Variants in DIAPH3 observed in about 807,000 individuals in gnomAD.
DIAPH3 encodes diaphanous related formin 3.
Under a neutral mutation model 144.3 loss-of-function variants are expected in DIAPH3, and 117 were observed. That is an observed-to-expected ratio of 0.81 (90% confidence interval 0.70 to 0.95). DIAPH3 has a LOEUF of 0.95. Ranked by LOEUF, DIAPH3 falls within the 40% of genes least tolerant of loss-of-function variation. DIAPH3 has a pLI of 0.00. For synonymous variants in DIAPH3, 519 were observed against 488.9 expected (o/e 1.06, Z -0.81); for missense variants, 1,421 against 1,412.7 (o/e 1.01, Z -0.09).
chr13:59,790,039 T>A (rs1159558995), intron 25 of DIAPH3, among the ~76,000 whole-genome samples: 2 of 152,206 alleles, frequency 1.3e-5, no homozygotes, highest in Non-Finnish European at 2.9e-5. Context: ...ATTGTTTAAT[T>A]CAATTCTACA....
intron 4 of DIAPH3, among the ~76,000 whole-genome samples, chr13:60,058,565 T>A (rs2056644521): frequency 6.6e-6 from 1 of 151,952 alleles, no homozygotes; most frequent in Non-Finnish European, 1.5e-5. Flanking sequence ...CCTGGACACG[T>A]ATGTTTATCA....
chr13:59,797,294 C>T (rs341553), intron 25 of DIAPH3, among the ~76,000 whole-genome samples: 95,324 of 152,036 alleles, frequency 0.63, 30,195 homozygotes, highest in East Asian at 0.7. Context: ...CCGGGACACT[C>T]GCTTGTTTTA....
chr13:59,958,867 CTT>C (rs932649097), intron 17 of DIAPH3, among the ~76,000 whole-genome samples: 3 of 94,348 alleles, frequency 3.2e-5, no homozygotes, highest in African/African-American at 8.3e-5. Context: ...CTTCAATAAA[CTT>C]TTTTTTTTTT....
intron 25 of DIAPH3, among the ~76,000 whole-genome samples, chr13:59,793,592 C>G (rs980290003): frequency 1.2e-4 from 19 of 152,180 alleles, no homozygotes; most frequent in Admixed American, 1.0e-3. Context: ...TCTTGGTCTT[C>G]CTACTACTTT....
At chr13:60,018,079 T>G (rs918858614) in intron 5 of DIAPH3, among the ~76,000 whole-genome samples, 5 of 152,202 alleles carry the variant, frequency 3.3e-5, no homozygotes, top group African/African-American at 1.2e-4. Flanking sequence ...GACATTGAGA[T>G]GCATGGAGAG....
intron 22 of DIAPH3, among the ~76,000 whole-genome samples, chr13:59,846,858 T>C (rs181978826): frequency 1.1e-3 from 165 of 152,294 alleles, no homozygotes; most frequent in Non-Finnish European, 2.0e-3. Context: ...AGAGGATCAC[T>C]TGAGGCCAGG....
intron 26 of DIAPH3, 92 bp from the exon 27 acceptor site, chr13:59,774,340 T>C: frequency 9.2e-7 from 1 of 1,088,162 alleles, no homozygotes; most frequent in Non-Finnish European, 1.3e-6. Flanking sequence ...TCCAAGGTTA[T>C]GTATTTCTGG....
chr13:60,139,094 C>G (rs1432679756), intron 1 of DIAPH3, among the ~76,000 whole-genome samples: 1 of 152,158 alleles, frequency 6.6e-6, no homozygotes, highest in Non-Finnish European at 1.5e-5. Context: ...AGCCATGACT[C>G]TCGACACACC....
At chr13:59,983,208 A>T (rs1435572859) in intron 13 of DIAPH3, among the ~76,000 whole-genome samples, 3 of 143,410 alleles carry the variant, frequency 2.1e-5, no homozygotes, top group African/African-American at 7.6e-5. Flanking sequence ...CCAAGTTTAA[A>T]AAAAAAAAAA....
At chr13:59,839,153 T>TGG in intron 23 of DIAPH3, 171 bp downstream of exon 23, 1 of 647,974 alleles carries the variant, frequency 1.5e-6, no homozygotes, top group Non-Finnish European at 2.6e-6. Flanking sequence ...TGTGTATTAT[T>TGG]CATGATTGAC....
chr13:59,709,552 C>T (rs2034616809), intron 27 of DIAPH3, among the ~76,000 whole-genome samples: 1 of 152,216 alleles, frequency 6.6e-6, no homozygotes, highest in Non-Finnish European at 1.5e-5. Flanking sequence ...GAGATACCAT[C>T]TCACACCAGT....
At chr13:60,026,838 CT>C (rs2054411315) in intron 5 of DIAPH3, among the ~76,000 whole-genome samples, 1 of 151,956 alleles carries the variant, frequency 6.6e-6, no homozygotes, top group South Asian at 2.1e-4. Context: ...ATGATCTTAT[CT>C]TTTTTGTAAT....
chr13:59,685,372 T>G (rs1261115164), intron 27 of DIAPH3, among the ~76,000 whole-genome samples: 1 of 152,166 alleles, frequency 6.6e-6, no homozygotes, highest in Non-Finnish European at 1.5e-5. Context: ...TGACATCTCT[T>G]GTTTAATTTC....
At chr13:60,035,380 A>C (rs1318261896) in intron 5 of DIAPH3, among the ~76,000 whole-genome samples, 4 of 152,220 alleles carry the variant, frequency 2.6e-5, no homozygotes, top group African/African-American at 4.8e-5. Context: ...TATACAAAAG[A>C]AGCAGCCTCC....
chr13:59,946,963 A>G (rs994503528), intron 17 of DIAPH3, among the ~76,000 whole-genome samples: 1 of 152,302 alleles, frequency 6.6e-6, no homozygotes, highest in Non-Finnish European at 1.5e-5. Flanking sequence ...GCCTTTAGAT[A>G]CCATTTTAAT....
chr13:59,700,288 T>C (rs768240794), intron 27 of DIAPH3, among the ~76,000 whole-genome samples: 2 of 152,158 alleles, frequency 1.3e-5, no homozygotes, highest in African/African-American at 4.8e-5. Flanking sequence ...ACCTTTGTAA[T>C]AGTAGTCAAA....
At chr13:59,924,506 G>C (rs904147088) in intron 18 of DIAPH3, among the ~76,000 whole-genome samples, 21 of 150,538 alleles carry the variant, frequency 1.4e-4, no homozygotes, top group Admixed American at 1.4e-3. Context: ...TAAAAAAAGG[G>C]ACTTTAAAGA....
chr13:59,981,895 G>T (rs2051043002), intron 13 of DIAPH3, among the ~76,000 whole-genome samples: 1 of 151,210 alleles, frequency 6.6e-6, no homozygotes, highest in Non-Finnish European at 1.5e-5. Flanking sequence ...TATTATAAAA[G>T]ATTAAGACAG....
chr13:59,994,028 A>C (rs1236319086), intron 9 of DIAPH3, among the ~76,000 whole-genome samples: 1 of 151,920 alleles, frequency 6.6e-6, no homozygotes. Context: ...ACCTAAATGG[A>C]AAATACATAT....
Sources: allele counts gnomAD v4.1 joint callset (sites outside exome capture counted in the v4.1 genomes callset), GRCh38; gene constraint gnomAD v4.1.1; transcripts MANE v1.5; gene names NCBI Gene and HGNC (gene_info 2026-07-23, HGNC 2026-07-21).